C19orf47: variants seen among roughly 807,000 people sequenced by gnomAD.
The protein encoded by C19orf47 is uncharacterized protein C19orf47.
Under a neutral mutation model 32.3 loss-of-function variants are expected in C19orf47, and 18 were observed. That is an observed-to-expected ratio of 0.56 (90% CI 0.39 to 0.83). The LOEUF (loss-of-function observed/expected upper bound fraction) is 0.83. C19orf47 is among the 40% of genes least tolerant of loss of function. The probability of loss-of-function intolerance (pLI) is 0.00; values close to 1 mark genes in which losing one functional copy is unlikely to be tolerated. For synonymous variants in C19orf47, 202 were observed against 211.1 expected, an observed-to-expected ratio of 0.96 and a Z score of 0.37; for missense variants, 484 against 531.6, an observed-to-expected ratio of 0.91 and a Z score of 0.88.
At chr19:40,328,964 A>T (rs1315768564) in intron 5 of C19orf47, among the ~76,000 whole-genome samples, 2 of 152,106 alleles carry the variant, frequency 1.3e-5, no homozygotes, top group Admixed American at 6.6e-5. Context: ...TTCCCCAAGC[A>T]CAGCGGAATT....
At chr19:40,323,786 G>A (rs2077770278) in intron 8 of C19orf47, among the ~76,000 whole-genome samples, 1 of 152,124 alleles carries the variant, frequency 6.6e-6, no homozygotes, top group African/African-American at 2.4e-5. Flanking sequence ...TGGGTGGGAG[G>A]CATCCAGGAG....
downstream of C19orf47, among the ~76,000 whole-genome samples, chr19:40,317,728 G>GC (rs1555783711): frequency 7.0e-6 from 1 of 143,052 alleles, no homozygotes; most frequent in South Asian, 2.2e-4. Flanking sequence ...TTTTTTTTTT[G>GC]TTTTTTTTTT....
chr19:40,344,885 C>G (rs1356410245), intron 1 of C19orf47, among the ~76,000 whole-genome samples: 1 of 152,156 alleles, frequency 6.6e-6, no homozygotes, highest in Non-Finnish European at 1.5e-5. Flanking sequence ...ATGGCAGGTC[C>G]AAGATCACAC....
At chr19:40,301,313 T>TTTTA in the C19orf47 span, among the ~76,000 whole-genome samples, 21,952 of 140,200 alleles carry the variant, frequency 0.16, 2,184 homozygotes, top group African/African-American at 0.24. Flanking sequence ...CTTGAGAGGC[T>TTTTA]TTTATTTATT....
intron 7 of C19orf47, 81 bp downstream of exon 7, chr19:40,326,253 T>C: frequency 6.4e-7 from 1 of 1,562,046 alleles, no homozygotes; most frequent in Non-Finnish European, 8.7e-7. Context: ...AGCCACCGTC[T>C]GTAGGATATG....
chr19:40,348,523 C>A, upstream of C19orf47: 2 of 1,478,320 alleles, frequency 1.4e-6, no homozygotes, highest in Non-Finnish European at 1.8e-6. Context: ...ATCACGTGAC[C>A]GCCCACCGAC....
At chr19:40,302,511 G>C in the C19orf47 span, among the ~76,000 whole-genome samples, 1 of 151,222 alleles carries the variant, frequency 6.6e-6, no homozygotes, top group Non-Finnish European at 1.5e-5. Context: ...GCCCAGGCTG[G>C]TCTCCTAGAC....
At chr19:40,326,558 AG>A in intron 6 of C19orf47, 72 bp from the exon 7 acceptor site, 3 of 1,522,884 alleles carry the variant, frequency 2.0e-6, no homozygotes, top group Non-Finnish European at 2.7e-6. Flanking sequence ...GCTGGACACT[AG>A]GTGTCCTTTA....
At chr19:40,327,163 G>A (rs756626383) in intron 6 of C19orf47, among the ~76,000 whole-genome samples, 1 of 151,892 alleles carries the variant, frequency 6.6e-6, no homozygotes, top group Non-Finnish European at 1.5e-5. Flanking sequence ...ACAGGCATGC[G>A]CCACCACGCC....
At chr19:40,327,295 T>TGAGCCACCCC (rs1283703686) in intron 6 of C19orf47, among the ~76,000 whole-genome samples, 1 of 151,560 alleles carries the variant, frequency 6.6e-6, no homozygotes, top group Non-Finnish European at 1.5e-5. Flanking sequence ...ATTACAGGTG[T>TGAGCCACCCC]GAGCCACCCC....
intron 1 of C19orf47, among the ~76,000 whole-genome samples, chr19:40,346,279 CT>C: frequency 6.7e-6 from 1 of 149,462 alleles, no homozygotes. Flanking sequence ...CCCCTCTCTA[CT>C]AAAAATACAA....
the C19orf47 span, among the ~76,000 whole-genome samples, chr19:40,297,993 T>C: frequency 6.7e-6 from 1 of 149,238 alleles, no homozygotes; most frequent in Non-Finnish European, 1.5e-5. Flanking sequence ...TGAGCCGAGA[T>C]AGAGTCACTA....
At chr19:40,293,291 C>A in the C19orf47 span, among the ~76,000 whole-genome samples, 6 of 151,386 alleles carry the variant, frequency 4.0e-5, no homozygotes, top group African/African-American at 1.5e-4. Context: ...CAGGTGCCCA[C>A]CATGCCACCA....
chr19:40,321,810 G>T lies in C19orf47; in HGVS notation c.*72C>A. On this transcript the variant is annotated 3_prime_UTR_variant, in exon 9 of 9. Transcript: ENST00000683109. ...TCCAGGAGCTGGTGGGAGGCGTGAT[G>T]AAGCCAGGAGCCTGGGGCGGCCAGG... 6.9e-7 allele frequency: 1 copy of T among 1,452,644 alleles called. No individual in the cohort carries two copies. 90.0% of individuals were successfully genotyped at this position (1,452,644 alleles called of 1,614,324 possible).
At chr19:40,302,922 T>C in the C19orf47 span, among the ~76,000 whole-genome samples, 1 of 152,164 alleles carries the variant, frequency 6.6e-6, no homozygotes, top group African/African-American at 2.4e-5. Flanking sequence ...CACTTAGGTA[T>C]ACACCACCTT....
At chr19:40,304,956 C>T in the C19orf47 span, among the ~76,000 whole-genome samples, 3 of 152,096 alleles carry the variant, frequency 2.0e-5, no homozygotes, top group East Asian at 3.8e-4. Flanking sequence ...TGGCCAGGCA[C>T]GGTGGCTCAT....
At chr19:40,337,122 G>C (rs1012051358) in intron 2 of C19orf47, among the ~76,000 whole-genome samples, 3 of 151,942 alleles carry the variant, frequency 2.0e-5, no homozygotes, top group African/African-American at 7.3e-5. Flanking sequence ...TCCTACACAC[G>C]GGGGATACCA....
At chr19:40,301,641 G>A in the C19orf47 span, among the ~76,000 whole-genome samples, 3 of 151,620 alleles carry the variant, frequency 2.0e-5, no homozygotes, top group African/African-American at 4.8e-5. Context: ...CGCCTGGCCT[G>A]AGAAGCTTTG....
chr19:40,298,761 G>A, the C19orf47 span, among the ~76,000 whole-genome samples: 1 of 152,144 alleles, frequency 6.6e-6, no homozygotes, highest in Non-Finnish European at 1.5e-5. Flanking sequence ...GAGGTATGAA[G>A]ATGTGGGGGG....
Sources: gnomAD v4.1 joint callset for allele counts (sites outside exome capture counted in the v4.1 genomes callset) on GRCh38, gnomAD v4.1.1 for gene constraint, MANE v1.5 for transcripts, NCBI Gene and HGNC (gene_info 2026-07-23, HGNC 2026-07-21) for gene names.